The following OLFML2A variants were observed in gnomAD, a reference collection of about 807,000 sequenced individuals.
The protein encoded by OLFML2A is olfactomedin-like protein 2A.
OLFML2A carries 47 observed loss-of-function variants against 60.9 expected under a neutral mutation model. That is an observed-to-expected ratio of 0.77 (90% confidence interval 0.61 to 0.98). The LOEUF is 0.98. Among genes scored for constraint, OLFML2A ranks in the 50% least tolerant of loss-of-function variants. The pLI, the probability that OLFML2A is intolerant of heterozygous loss-of-function variation, is 0.00. For synonymous variants in OLFML2A, 372 were observed against 375.0 expected, an observed-to-expected ratio of 0.99 and a Z score of 0.09; for missense variants, 922 against 879.8, an observed-to-expected ratio of 1.05 and a Z score of -0.61.
chr9:124,788,714 C>T (rs1444158986), intron 2 of OLFML2A, among the ~76,000 whole-genome samples: 1 of 152,208 alleles, frequency 6.6e-6, no homozygotes, highest in Non-Finnish European at 1.5e-5. Context: ...CCCACCAGGA[C>T]CCATGGTTTG....
chr9:124,787,652 G>C (rs948308485), intron 2 of OLFML2A, among the ~76,000 whole-genome samples: 1 of 151,498 alleles, frequency 6.6e-6, no homozygotes, highest in Non-Finnish European at 1.5e-5. Context: ...CTCCGTCCCC[G>C]GGTTCAAGCG....
chr9:124,788,416 G>A (rs1347345970), intron 2 of OLFML2A, among the ~76,000 whole-genome samples: 2 of 152,016 alleles, frequency 1.3e-5, no homozygotes. Context: ...GAGCACCCTG[G>A]CCAACGTGGT....
chr9:124,801,138 T>C (rs1841767088), intron 4 of OLFML2A: 2 of 1,348,882 alleles, frequency 1.5e-6, no homozygotes, highest in Non-Finnish European at 2.1e-6. Flanking sequence ...CCCAGGGGGA[T>C]TGGACAGGAG....
In OLFML2A at chr9:124,811,257, G is replaced by A. The variant is rs971636059; in HGVS notation, c.*845G>A. The A allele has an allele frequency of 2.0e-5, 3 of 152,714 alleles. No individual in the cohort carries two copies. Among genetic ancestry groups the A allele is most frequent in the African/African-American group, 4.8e-5 (2 of 41,486 alleles). 9.5% of individuals were successfully genotyped at this position (152,714 alleles called of 1,614,324 possible). A position where few individuals can be genotyped will look rare whatever the true frequency, so the allele number is the denominator to read the frequency against. ...CAGCTCTGCCAGGGTGGGGAGCTGA[G>A]CTGAGGCTCCCTCTCCACCCAGAAG... On this transcript the variant is annotated 3_prime_UTR_variant, in exon 8 of 8. Transcript: ENST00000373580.
intron 1 of OLFML2A, among the ~76,000 whole-genome samples, chr9:124,781,689 G>A (rs1190306000): frequency 1.3e-5 from 2 of 151,938 alleles, no homozygotes; most frequent in Non-Finnish European, 2.9e-5. Context: ...GGATACTCAG[G>A]AGGCTGAAGC....
intron 5 of OLFML2A, 134 bp from the exon 6 acceptor site, chr9:124,803,960 T>A: frequency 2.2e-6 from 2 of 913,930 alleles, no homozygotes; most frequent in Non-Finnish European, 1.6e-6. Context: ...CCCCTCCAGG[T>A]GTGAGGAGGC....
chr9:124,778,214 A>G (rs888614753), intron 1 of OLFML2A, among the ~76,000 whole-genome samples: 2 of 151,998 alleles, frequency 1.3e-5, no homozygotes, highest in African/African-American at 4.8e-5. Flanking sequence ...AAAAAAAAGT[A>G]GCCAGGCATG....
At position 124,810,547 on chromosome 9, in the gene OLFML2A, A is replaced by G; in HGVS notation, c.*135A>G. ...TGGGACTGGGCATGAGGTGGTCACCAGGATTGAGCTTCCTCAGCACCCAGT... is the reference window on the plus strand; with the variant it reads ...TGGGACTGGGCATGAGGTGGTCACCGGGATTGAGCTTCCTCAGCACCCAGT... On this transcript the variant is annotated 3_prime_UTR_variant, in exon 8 of 8. Transcript: ENST00000373580. 1.2e-6 allele frequency: 1 copy of G among 868,440 alleles called. No homozygotes were observed. The highest frequency in any genetic ancestry group is 1.7e-6 in the Non-Finnish European group (1 of 581,268). 53.8% of individuals were successfully genotyped at this position (868,440 alleles called of 1,614,324 possible).
At chr9:124,785,492 G>A (rs1256587265) in intron 1 of OLFML2A, among the ~76,000 whole-genome samples, 2 of 149,444 alleles carry the variant, frequency 1.3e-5, no homozygotes, top group African/African-American at 2.5e-5. Context: ...CTGCCTCCCG[G>A]GTTCATGCCA....
Position 124,795,042 on chromosome 9 carries a change from C to T in OLFML2A, c.373C>T (p.Leu125Phe), listed in dbSNP as rs1220461863. 2 of 1,604,590 alleles carry T rather than the reference C, an allele frequency of 1.2e-6. No homozygotes were observed. The highest frequency in any genetic ancestry group is 1.3e-5 in the African/African-American group (1 of 74,950). The change falls in exon 3 of 8, where the codon CTC becomes TTC. Residue 125 changes from leucine to phenylalanine, a missense_variant. Leu to Phe is a conservative substitution (Grantham distance 22, BLOSUM62 0). Coordinates refer to ENST00000373580, the MANE Select transcript of OLFML2A (RefSeq NM_182487.4). ...CGGGCAGCTGCAGTCCATGGTGGATCTCCTGGAGGGCACCCTGTACAGCAT... is the reference window on the plus strand; with the variant it reads ...CGGGCAGCTGCAGTCCATGGTGGATTTCCTGGAGGGCACCCTGTACAGCAT... ...ELLKLQSMVD[L>F]LEGTLYSMDL...
At chr9:124,804,012 A>G (rs887229221) in intron 5 of OLFML2A, 82 bp from the exon 6 acceptor site, 1 of 1,489,596 alleles carries the variant, frequency 6.7e-7, no homozygotes, top group African/African-American at 1.4e-5. Context: ...GGCCCCTGAG[A>G]TGGGGGCCCA....
chr9:124,795,140 G>A lies in OLFML2A; in HGVS notation c.462+9G>A, dbSNP rs376785996. ...TGAACACACTGGAAGAGGTAAGGGC[G>A]GGGCTGCCGCCAGAGGCCAGGCTGC... On this transcript the variant is annotated intron_variant, in intron 3 of 7. Transcript: ENST00000373580. 1.8e-4 allele frequency: 272 copies of A among 1,538,188 alleles called. 2 individuals carry two copies. In the African/African-American group the frequency reaches 2.6e-3, roughly 15 times the overall value.
At chr9:124,797,615 C>T (rs537314530) in intron 3 of OLFML2A, among the ~76,000 whole-genome samples, 65 of 152,334 alleles carry the variant, frequency 4.3e-4, no homozygotes, top group Non-Finnish European at 6.2e-4. Flanking sequence ...TGTTGCTCCG[C>T]GGCTTCTCAG....
chr9:124,777,280 G>A lies in OLFML2A; in HGVS notation c.10G>A (p.Ala4Thr). Reference sequence around the variant, plus strand: ...CCGTGCCCGTGGCGCCATGGCCGCTGCCGCCCTCCCGCCCCGGCCGCTGCT... The same window carrying A: ...CCGTGCCCGTGGCGCCATGGCCGCTACCGCCCTCCCGCCCCGGCCGCTGCT... MAAAALPPRPLLLL... is the reference protein window; with the variant it reads MAATALPPRPLLLL... The change falls in exon 1 of 8, where the codon GCC (alanine) becomes ACC (threonine). Residue 4 changes from alanine (A) to threonine (T), a missense_variant. Physicochemically the swap from Ala to Thr is moderately conservative, Grantham distance 58. Coordinates refer to ENST00000373580, the MANE Select transcript of OLFML2A (RefSeq NM_182487.4). This position sits in a 1 kb window ranked among gnomAD's most constrained non-coding sequence, Gnocchi z 6.2. 1 of 1,228,096 alleles carries A rather than the reference G, an allele frequency of 8.1e-7. No individual in the cohort carries two copies. The highest frequency in any genetic ancestry group is 3.3e-5 in the East Asian group (1 of 30,626). The allele number at this position is 1,228,096 out of a possible 1,614,324, so 76.1% of individuals were successfully genotyped here. A position where few individuals can be genotyped will look rare whatever the true frequency, so the allele number is the denominator to read the frequency against.
intron 1 of OLFML2A, among the ~76,000 whole-genome samples, chr9:124,781,381 G>A (rs980981766): frequency 6.6e-6 from 1 of 152,160 alleles, no homozygotes; most frequent in Non-Finnish European, 1.5e-5. Flanking sequence ...GATTGAGTTT[G>A]GGGTACCTCT....
chr9:124,809,668 G>A, intron 7 of OLFML2A, 140 bp from the exon 8 acceptor site: 2 of 921,518 alleles, frequency 2.2e-6, no homozygotes, highest in South Asian at 1.7e-5. Flanking sequence ...ATAATAAGAT[G>A]TCATCCCAGC....
At chr9:124,800,865 T>C (rs1841760205) in intron 4 of OLFML2A, 2 of 1,457,530 alleles carry the variant, frequency 1.4e-6, no homozygotes, top group Admixed American at 2.7e-5. Flanking sequence ...CACAAAAAGT[T>C]AGAAATGGCA....
intron 1 of OLFML2A, among the ~76,000 whole-genome samples, chr9:124,781,534 C>T (rs991392700): frequency 2.6e-5 from 4 of 152,198 alleles, no homozygotes; most frequent in African/African-American, 9.7e-5. Context: ...TGGCTCACAC[C>T]TGTAATCCCA....
At chr9:124,790,305 G>A (rs893089948) in intron 2 of OLFML2A, among the ~76,000 whole-genome samples, 1 of 152,108 alleles carries the variant, frequency 6.6e-6, no homozygotes, top group South Asian at 2.1e-4. Flanking sequence ...GAGTGGCTGG[G>A]ATTACAGGCG....
Sources: allele counts gnomAD v4.1 joint callset (sites outside exome capture counted in the v4.1 genomes callset), GRCh38; gene constraint gnomAD v4.1.1; non-coding constraint Gnocchi (gnomAD v3.1); transcripts MANE v1.5; gene names NCBI Gene and HGNC (gene_info 2026-07-23, HGNC 2026-07-21).